Variants in LHFPL6 observed in about 807,000 individuals in gnomAD.
LHFPL6 encodes LHFPL tetraspan subfamily member 6 protein.
LHFPL6 carries 9 observed loss-of-function variants against 20.6 expected under a neutral mutation model. That is an observed-to-expected ratio of 0.44 (90% CI 0.26 to 0.76). LHFPL6 has a LOEUF of 0.76. LHFPL6 is among the 30% of genes least tolerant of loss of function. The pLI is 0.20. For missense variants in LHFPL6, 218 were observed against 253.5 expected (o/e 0.86, Z 0.95); for synonymous variants, 105 against 98.7 (o/e 1.06, Z -0.38).
chr13:39,362,725 C>T (rs1410733649), intron 3 of LHFPL6, among the ~76,000 whole-genome samples: 1 of 152,210 alleles, frequency 6.6e-6, no homozygotes, highest in African/African-American at 2.4e-5. Flanking sequence ...TGCCCTCTGG[C>T]CACATCCCAT....
intron 2 of LHFPL6, among the ~76,000 whole-genome samples, chr13:39,439,100 G>A (rs940703408): frequency 1.3e-5 from 2 of 152,174 alleles, no homozygotes; most frequent in Non-Finnish European, 2.9e-5. Context: ...AGACTCAATG[G>A]CAAACCTTGA....
chr13:39,534,939 A>G (rs1870570586), intron 2 of LHFPL6, among the ~76,000 whole-genome samples: 1 of 152,128 alleles, frequency 6.6e-6, no homozygotes, highest in Non-Finnish European at 1.5e-5. Context: ...TTGTTCCCTC[A>G]CTGCTTTGGA....
chr13:39,386,631 C>T (rs1566099676), intron 2 of LHFPL6, among the ~76,000 whole-genome samples: 1 of 152,158 alleles, frequency 6.6e-6, no homozygotes, highest in Non-Finnish European at 1.5e-5. Context: ...TGTATTTGAC[C>T]ATCATCATGT....
intron 2 of LHFPL6, among the ~76,000 whole-genome samples, chr13:39,583,013 C>T (rs574381347): frequency 2.0e-5 from 3 of 152,224 alleles, no homozygotes; most frequent in Admixed American, 1.3e-4. Context: ...CTGTCAGGCA[C>T]TTTGGTAGGC....
At chr13:39,572,288 C>CTGTGTGTGTGTGTGTGTG (rs3222813) in intron 2 of LHFPL6, among the ~76,000 whole-genome samples, 1 of 143,406 alleles carries the variant, frequency 7.0e-6, no homozygotes, top group East Asian at 2.1e-4. Flanking sequence ...TTTTTAAACT[C>CTGTGTGTGTGTGTGTGTG]TGTGTGTGTG....
intron 2 of LHFPL6, among the ~76,000 whole-genome samples, chr13:39,596,431 T>A (rs1179807689): frequency 6.6e-6 from 1 of 152,148 alleles, no homozygotes; most frequent in African/African-American, 2.4e-5. Context: ...CAGCATCACC[T>A]GAAAACATGT....
At chr13:39,596,655 TA>T (rs11322450) in intron 2 of LHFPL6, among the ~76,000 whole-genome samples, 128,394 of 148,044 alleles carry the variant, frequency 0.87, 55,703 homozygotes, top group South Asian at 0.92. Context: ...AGGCATAATT[TA>T]AAAAAAAAAA....
chr13:39,548,843 T>C lies in LHFPL6; in HGVS notation c.385+51989A>G, dbSNP rs189982948. ...ACTTGAATAAAAAGATGGGATTGTG[T>C]CATGGAAATGCAGGAGCCACTCTGG... On this transcript the variant is annotated intron_variant, in intron 2 of 3. Transcript: ENST00000379589. 5.9e-4 allele frequency among the ~76,000 whole-genome samples: 89 copies of C among 152,072 alleles called. 1 individual carries two copies. The highest frequency in any genetic ancestry group is 2.0e-3 in the African/African-American group (82 of 41,392).
Position 39,390,760 on chromosome 13 carries a change from C to T in LHFPL6, c.386-12234G>A, listed in dbSNP as rs1182491109. ...CTGTAATCCCAGCACTTTGGGAGGC[C>T]GAGACGGGCGGATTGCTTGAGGTCA... On this transcript the variant is annotated intron_variant, in intron 2 of 3. Transcript: ENST00000379589. Among the ~76,000 whole-genome samples the T allele has an allele frequency of 4.6e-5, 7 of 152,186 alleles. No homozygotes were observed. In the East Asian group the frequency reaches 1.2e-3, roughly 25 times the overall value.
At chr13:39,456,206 G>A (rs1872565171) in intron 2 of LHFPL6, among the ~76,000 whole-genome samples, 3 of 152,156 alleles carry the variant, frequency 2.0e-5, no homozygotes, top group African/African-American at 7.2e-5. Context: ...TCTGCAGACT[G>A]GCAGAAAATT....
At chr13:39,406,542 G>A (rs1283745099) in intron 2 of LHFPL6, among the ~76,000 whole-genome samples, 3 of 152,038 alleles carry the variant, frequency 2.0e-5, no homozygotes, top group Non-Finnish European at 4.4e-5. Context: ...AGTAATTCTT[G>A]TAAATGCAAC....
intron 2 of LHFPL6, among the ~76,000 whole-genome samples, chr13:39,598,352 T>C (rs1015871879): frequency 1.3e-5 from 2 of 152,108 alleles, no homozygotes; most frequent in Non-Finnish European, 2.9e-5. Flanking sequence ...TCTTTAAAAC[T>C]TTTTCCATAT....
chr13:39,525,547 G>A (rs1446312639), intron 2 of LHFPL6, among the ~76,000 whole-genome samples: 1 of 152,124 alleles, frequency 6.6e-6, no homozygotes, highest in Non-Finnish European at 1.5e-5. Flanking sequence ...CTGCTAAAGG[G>A]TTAATGTAAA....
intron 3 of LHFPL6, among the ~76,000 whole-genome samples, chr13:39,367,851 G>C (rs536306900): frequency 2.0e-5 from 3 of 152,292 alleles, no homozygotes; most frequent in Admixed American, 1.3e-4. Context: ...GAAGATCAAA[G>C]GTTACCATAA....
intron 2 of LHFPL6, among the ~76,000 whole-genome samples, chr13:39,524,938 C>G (rs1870241026): frequency 6.6e-6 from 1 of 152,198 alleles, no homozygotes; most frequent in South Asian, 2.1e-4. Context: ...GGAAATAAAA[C>G]TTACTGAATT....
At chr13:39,551,840 T>A (rs1871152252) in intron 2 of LHFPL6, among the ~76,000 whole-genome samples, 1 of 152,150 alleles carries the variant, frequency 6.6e-6, no homozygotes, top group African/African-American at 2.4e-5. Context: ...TTCTTCAAAG[T>A]CAAGTTTCGA....
chr13:39,364,514 GAAAC>G lies in LHFPL6; in HGVS notation c.484+13910_484+13913del, dbSNP rs1405908086. Among the ~76,000 whole-genome samples, 3 of 152,188 alleles carry G rather than the reference GAAAC, an allele frequency of 2.0e-5. No individual in the cohort carries two copies. In the East Asian group the frequency reaches 5.8e-4, roughly 29 times the overall value. On this transcript the variant is annotated intron_variant, in intron 3 of 3. Transcript: ENST00000379589. ...CCCCCAATGCAGAGAAATGGCAAAA[GAAAC>G]AGAAATACTCTGGCTTCTCCAGAAA... is the stretch of plus-strand genomic sequence containing the variant.
intron 2 of LHFPL6, among the ~76,000 whole-genome samples, chr13:39,554,704 T>C (rs1871247445): frequency 6.6e-6 from 1 of 152,212 alleles, no homozygotes; most frequent in Non-Finnish European, 1.5e-5. Context: ...GACAACTTTC[T>C]GACTGTCTTC....
At position 39,441,975 on chromosome 13, in the gene LHFPL6, A is replaced by C. The variant is rs376120105; in HGVS notation, c.386-63449T>G. Among the ~76,000 whole-genome samples, 185 of 151,970 alleles carry C rather than the reference A, an allele frequency of 1.2e-3. 6 individuals are homozygous for C. In the South Asian group the frequency reaches 0.038, roughly 31 times the overall value. ...CTCCCAAGTAGCTGGGATTACAGGC[A>C]TGCACCACCACGCCTGGCTAATTTT... On this transcript the variant is annotated intron_variant, in intron 2 of 3. Coordinates refer to ENST00000379589, the MANE Select transcript of LHFPL6 (RefSeq NM_005780.3).
Sources: gnomAD v4.1 joint callset for allele counts (sites outside exome capture counted in the v4.1 genomes callset) on GRCh38, gnomAD v4.1.1 for gene constraint, MANE v1.5 for transcripts, NCBI Gene and HGNC (gene_info 2026-07-23, HGNC 2026-07-21) for gene names.